Variants in DNAAF4 observed in about 807,000 individuals in gnomAD.
DNAAF4 encodes the protein dynein axonemal assembly factor 4.
A neutral mutation model predicts 51.8 loss-of-function variants in DNAAF4; 43 were observed. The observed-to-expected ratio is 0.83, with a 90% CI of 0.65 to 1.07. The LOEUF (loss-of-function observed/expected upper bound fraction) is 1.07, where lower values mean the gene tolerates loss of function less well. DNAAF4 is among the 50% of genes least tolerant of loss of function. DNAAF4 has a pLI of 0.00. For missense variants in DNAAF4, 581 were observed against 493.0 expected (o/e 1.18, Z -1.69); for synonymous variants, 194 against 165.6 (o/e 1.17, Z -1.32).
intron 5 of DNAAF4, among the ~76,000 whole-genome samples, chr15:55,466,421 C>T (rs2058171961): frequency 6.6e-6 from 1 of 150,994 alleles, no homozygotes; most frequent in Non-Finnish European, 1.5e-5. Flanking sequence ...CAGACCTTGT[C>T]TCAAAAAAAA....
intron 6 of DNAAF4, chr15:55,442,756 A>G (rs1393475664): frequency 6.3e-7 from 1 of 1,589,344 alleles, no homozygotes; most frequent in Admixed American, 1.7e-5. Flanking sequence ...AACTTTATCA[A>G]GTTGGCTATT....
At chr15:55,449,571 G>A (rs1426529184) in intron 6 of DNAAF4, among the ~76,000 whole-genome samples, 6 of 150,726 alleles carry the variant, frequency 4.0e-5, no homozygotes, top group East Asian at 2.1e-4. Context: ...GGCTGAGGCA[G>A]GAGAATTGTT....
At chr15:55,452,897 T>C (rs1393541037) in intron 5 of DNAAF4, among the ~76,000 whole-genome samples, 2 of 152,024 alleles carry the variant, frequency 1.3e-5, no homozygotes, top group Non-Finnish European at 2.9e-5. Flanking sequence ...GAAACTAGAA[T>C]CATAGAAGGG....
chr15:55,469,417 C>G (rs2058217606), intron 4 of DNAAF4, among the ~76,000 whole-genome samples: 1 of 150,976 alleles, frequency 6.6e-6, no homozygotes, highest in African/African-American at 2.4e-5. Flanking sequence ...ACTCTCACAA[C>G]ACTCCATAGG....
At chr15:55,488,646 G>A (rs2058526177) in intron 4 of DNAAF4, among the ~76,000 whole-genome samples, 1 of 152,154 alleles carries the variant, frequency 6.6e-6, no homozygotes, top group Non-Finnish European at 1.5e-5. Context: ...CACTACTGAG[G>A]GAAGAGAGAA....
intron 1 of DNAAF4, among the ~76,000 whole-genome samples, chr15:55,506,952 C>A (rs534013020): frequency 6.6e-6 from 1 of 152,166 alleles, no homozygotes; most frequent in Non-Finnish European, 1.5e-5. Context: ...CAGGTTCAAG[C>A]GATTCTCCTG....
intron 9 of DNAAF4, among the ~76,000 whole-genome samples, chr15:55,432,206 C>T (rs1254432274): frequency 1.3e-5 from 2 of 152,254 alleles, no homozygotes; most frequent in Admixed American, 1.3e-4. Flanking sequence ...CCGCCTCTGC[C>T]TCCCAAAGTG....
intron 7 of DNAAF4, among the ~76,000 whole-genome samples, chr15:55,438,010 G>A (rs1169045581): frequency 2.6e-5 from 4 of 152,116 alleles, no homozygotes; most frequent in Non-Finnish European, 4.4e-5. Context: ...ATCTATAGCC[G>A]CCTCAAAATA....
intron 7 of DNAAF4, among the ~76,000 whole-genome samples, chr15:55,436,755 A>C (rs1336041155): frequency 1.3e-5 from 2 of 152,084 alleles, no homozygotes; most frequent in Non-Finnish European, 2.9e-5. Flanking sequence ...CCTGAACTCA[A>C]GTATCTACCC....
rs1263567188 is a variant in DNAAF4, at chr15:55,498,533, T to C, written c.-204A>G. On this transcript the variant is annotated 5_prime_UTR_variant, in exon 2 of 10. Coordinates refer to ENST00000321149, the MANE Select transcript of DNAAF4 (RefSeq NM_130810.4). ...CAGACCAGAGAGTGATGCCGATTCTTGGGGTTACCTTACGATCTGAGCGAA... is the reference window on the plus strand; with the variant it reads ...CAGACCAGAGAGTGATGCCGATTCTCGGGGTTACCTTACGATCTGAGCGAA... 3.6e-5 allele frequency: 18 copies of C among 495,164 alleles called. No individual in the cohort carries two copies. The Admixed American group carries it at 7.8e-4, about 21-fold the overall frequency. The allele number at this position is 495,164 out of a possible 1,614,324, so 30.7% of individuals were successfully genotyped here. A position where few individuals can be genotyped will look rare whatever the true frequency, so the allele number is the denominator to read the frequency against.
Position 55,434,954 on chromosome 15 carries a change from C to T in DNAAF4, c.998G>A (p.Cys333Tyr), listed in dbSNP as rs1349189455. ...GTGTAAGTTTTTTAGTTTTAGGTGG[C>T]AAGCAGCCCGGTTCAAATACAATAG... ...MPLLYLNRAA[C>Y]HLKLKNLHKA... Residue 333 changes from cysteine (C) to tyrosine (Y), a missense_variant, in exon 8 of 10, where the codon TGC becomes TAC. By Grantham distance (194) the Cys-to-Tyr change is radical. Transcript: ENST00000321149. The T allele has an allele frequency of 1.9e-6, 3 of 1,612,590 alleles. No individual in the cohort carries two copies. Among genetic ancestry groups the T allele is most frequent in the Admixed American group, 1.7e-5 (1 of 59,640 alleles).
intron 3 of DNAAF4, among the ~76,000 whole-genome samples, chr15:55,496,392 C>T (rs1383543766): frequency 2.0e-5 from 3 of 152,150 alleles, no homozygotes. Context: ...AAATATGTAG[C>T]CAGGGTTGGG....
At chr15:55,442,900 T>C (rs1284963894) in intron 6 of DNAAF4, 2 of 1,612,270 alleles carry the variant, frequency 1.2e-6, no homozygotes, top group Non-Finnish European at 1.7e-6. Flanking sequence ...GGCACCTCCA[T>C]GAATCAATCC....
chr15:55,430,874 A>ATGAAGCGGAGCCGCT, intron 9 of DNAAF4, 95 bp from the exon 10 acceptor site: 1 of 994,158 alleles, frequency 1.0e-6, no homozygotes, highest in East Asian at 2.7e-5. Context: ...AATAATCACT[A>ATGAAGCGGAGCCGCT]GTAGCATGGT....
chr15:55,448,323 T>C (rs1301733264), intron 6 of DNAAF4, among the ~76,000 whole-genome samples: 1 of 152,034 alleles, frequency 6.6e-6, no homozygotes, highest in Non-Finnish European at 1.5e-5. Context: ...CAGCATTTTA[T>C]TGAGGATTTT....
intron 5 of DNAAF4, among the ~76,000 whole-genome samples, chr15:55,457,936 A>G (rs1214909158): frequency 6.6e-6 from 1 of 152,178 alleles, no homozygotes; most frequent in Non-Finnish European, 1.5e-5. Flanking sequence ...TAGAAGGGCA[A>G]TAACAATCAC....
chr15:55,433,349 G>T (rs1210441237), intron 8 of DNAAF4, among the ~76,000 whole-genome samples: 1 of 152,180 alleles, frequency 6.6e-6, no homozygotes, highest in African/African-American at 2.4e-5. Flanking sequence ...GGTGGCTCAT[G>T]CCTGTAATCC....
chr15:55,418,950 A>C (rs1189095838), intron 7 of DNAAF4, among the ~76,000 whole-genome samples: 1 of 111,492 alleles, frequency 9.0e-6, no homozygotes, highest in African/African-American at 3.3e-5. Context: ...AGTGAGTTGG[A>C]GTCTCGCTCT....
intron 1 of DNAAF4, among the ~76,000 whole-genome samples, chr15:55,500,162 A>C (rs1162218166): frequency 1.3e-5 from 2 of 152,162 alleles, no homozygotes; most frequent in Non-Finnish European, 2.9e-5. Flanking sequence ...CACAAATTTC[A>C]ATGCTCCTTA....
Sources: allele counts gnomAD v4.1 joint callset (sites outside exome capture counted in the v4.1 genomes callset), GRCh38; gene constraint gnomAD v4.1.1; transcripts MANE v1.5; gene names NCBI Gene and HGNC (gene_info 2026-07-23, HGNC 2026-07-21).